Variants in MACROD2 observed in about 807,000 individuals in gnomAD.
MACROD2 encodes ADP-ribose glycohydrolase MACROD2.
MACROD2 carries 36 observed loss-of-function variants against 70.4 expected under a neutral mutation model. The ratio of observed to expected loss-of-function variants is 0.51; its 90% CI spans 0.39 to 0.68. MACROD2 has a LOEUF of 0.68. Among genes scored for constraint, MACROD2 ranks in the 30% least tolerant of loss-of-function variants. The probability of loss-of-function intolerance (pLI) is 0.00; values close to 1 mark genes in which losing one functional copy is unlikely to be tolerated. For synonymous variants in MACROD2, 172 were observed against 178.8 expected, an observed-to-expected ratio of 0.96 and a Z score of 0.30; for missense variants, 496 against 538.4, an observed-to-expected ratio of 0.92 and a Z score of 0.78.
intron 3 of MACROD2, among the ~76,000 whole-genome samples, chr20:14,255,352 C>T (rs2122288437): frequency 1.3e-5 from 2 of 152,022 alleles, no homozygotes; most frequent in Middle Eastern, 3.4e-3. Flanking sequence ...TACTATGCAG[C>T]CATAAAAAAG....
intron 6 of MACROD2, among the ~76,000 whole-genome samples, chr20:15,278,555 A>G (rs1181835836): frequency 2.0e-5 from 3 of 152,338 alleles, no homozygotes; most frequent in Admixed American, 2.0e-4. Flanking sequence ...CTACTGAAAT[A>G]GTAATAGAAG....
intron 3 of MACROD2, among the ~76,000 whole-genome samples, chr20:14,454,927 T>C (rs2084284440): frequency 6.6e-6 from 1 of 151,984 alleles, no homozygotes; most frequent in Non-Finnish European, 1.5e-5. Context: ...TAATTTTTTG[T>C]ATTTTTAGTA....
At chr20:15,698,839 ATTTC>A (rs2050413722) in intron 8 of MACROD2, among the ~76,000 whole-genome samples, 1 of 151,964 alleles carries the variant, frequency 6.6e-6, no homozygotes, top group East Asian at 1.9e-4. Flanking sequence ...TGAGCTCTGG[ATTTC>A]TTTCTTCTAC....
intron 3 of MACROD2, among the ~76,000 whole-genome samples, chr20:14,092,247 C>T (rs2054159851): frequency 6.6e-6 from 1 of 151,294 alleles, no homozygotes; most frequent in African/African-American, 2.4e-5. Context: ...TTTGTGTTTC[C>T]CCAAAGGTTA....
chr20:15,314,225 C>T (rs966015199), intron 6 of MACROD2, among the ~76,000 whole-genome samples: 9 of 151,800 alleles, frequency 5.9e-5, no homozygotes, highest in Non-Finnish European at 7.4e-5. Flanking sequence ...TTTGTCAGCA[C>T]GCTGGAAAAC....
At chr20:15,580,423 C>G (rs143383706) in intron 8 of MACROD2, among the ~76,000 whole-genome samples, 1 of 152,300 alleles carries the variant, frequency 6.6e-6, no homozygotes, top group African/African-American at 2.4e-5. Context: ...CATGCCGTAA[C>G]TGTGGCCTCA....
At chr20:15,022,722 A>G (rs959482291) in intron 5 of MACROD2, 1 of 152,216 alleles carries the variant, frequency 6.6e-6, no homozygotes, top group Admixed American at 6.5e-5. Context: ...TGCCAAATGC[A>G]TAATGACATG....
chr20:15,878,766 A>G (rs1601043652), intron 9 of MACROD2, among the ~76,000 whole-genome samples: 1 of 152,162 alleles, frequency 6.6e-6, no homozygotes, highest in South Asian at 2.1e-4. Flanking sequence ...CTCCAATAAA[A>G]GAAGGTGAAA....
chr20:14,287,094 G>C (rs1013848849), intron 3 of MACROD2, among the ~76,000 whole-genome samples: 1 of 152,086 alleles, frequency 6.6e-6, no homozygotes, highest in African/African-American at 2.4e-5. Context: ...TGAACCCCTA[G>C]AGTACTGTGT....
intron 8 of MACROD2, among the ~76,000 whole-genome samples, chr20:15,663,682 T>C (rs1056384183): frequency 1.3e-5 from 2 of 152,152 alleles, no homozygotes; most frequent in African/African-American, 4.8e-5. Flanking sequence ...TGGTCTTTTA[T>C]CAGTCTAATG....
intron 8 of MACROD2, among the ~76,000 whole-genome samples, chr20:15,582,757 A>G: frequency 6.6e-6 from 1 of 152,068 alleles, no homozygotes; most frequent in East Asian, 1.9e-4. Context: ...TGTCCTGCAA[A>G]CCCTGAGACA....
At chr20:15,993,529 T>C (rs1004430009) in intron 15 of MACROD2, among the ~76,000 whole-genome samples, 1 of 152,136 alleles carries the variant, frequency 6.6e-6, no homozygotes, top group Non-Finnish European at 1.5e-5. Context: ...ACCATCGAGG[T>C]TTGTGTAAGT....
intron 8 of MACROD2, among the ~76,000 whole-genome samples, chr20:15,600,165 A>G (rs1013746326): frequency 3.3e-5 from 5 of 152,002 alleles, no homozygotes; most frequent in Non-Finnish European, 7.4e-5. Context: ...AGACTAAGCC[A>G]CTGGAGCAAG....
intron 5 of MACROD2, among the ~76,000 whole-genome samples, chr20:14,950,608 A>G (rs2074468107): frequency 6.6e-6 from 1 of 152,164 alleles, no homozygotes. Context: ...TTGTTGCTTC[A>G]GAGGGAGATT....
chr20:15,614,027 A>G (rs561146148), intron 8 of MACROD2, among the ~76,000 whole-genome samples: 1 of 152,352 alleles, frequency 6.6e-6, no homozygotes, highest in African/African-American at 2.4e-5. Flanking sequence ...GTAGGATTAT[A>G]TCAATAACCC....
intron 12 of MACROD2, among the ~76,000 whole-genome samples, chr20:15,951,965 C>A: frequency 6.6e-6 from 1 of 152,074 alleles, no homozygotes. Context: ...CTTACATTAC[C>A]ACATGTAGTG....
intron 4 of MACROD2, among the ~76,000 whole-genome samples, chr20:14,531,733 T>TA (rs2085306746): frequency 6.6e-6 from 1 of 152,300 alleles, no homozygotes; most frequent in South Asian, 2.1e-4. Context: ...AGCTGAATGA[T>TA]ACATAGAAAT....
At chr20:15,686,795 C>G (rs2050231015) in intron 8 of MACROD2, among the ~76,000 whole-genome samples, 1 of 150,798 alleles carries the variant, frequency 6.6e-6, no homozygotes, top group African/African-American at 2.4e-5. Flanking sequence ...ACCACTTGAG[C>G]CCAGGAGGCA....
chr20:14,766,637 G>T (rs758379137), intron 5 of MACROD2, among the ~76,000 whole-genome samples: 9 of 152,060 alleles, frequency 5.9e-5, no homozygotes, highest in Non-Finnish European at 1.3e-4. Flanking sequence ...GAAAGAAAAA[G>T]AAAAATGGTT....
Sources: allele counts gnomAD v4.1 joint callset (sites outside exome capture counted in the v4.1 genomes callset), GRCh38; gene constraint gnomAD v4.1.1; transcripts MANE v1.5; gene names NCBI Gene and HGNC (gene_info 2026-07-23, HGNC 2026-07-21).